The following YTHDC2 variants were observed in gnomAD, a reference collection of about 807,000 sequenced individuals.
The protein encoded by YTHDC2 is YTH N6-methyladenosine RNA binding protein C2.
YTHDC2 carries 45 observed loss-of-function variants against 174.9 expected under a neutral mutation model. The ratio of observed to expected loss-of-function variants is 0.26; its 90% CI spans 0.20 to 0.33. YTHDC2 has a LOEUF of 0.33. YTHDC2 is among the 10% of genes least tolerant of loss of function. The pLI, the probability that YTHDC2 is intolerant of heterozygous loss-of-function variation, is 1.00. For missense variants in YTHDC2, 1,650 were observed against 1,723.7 expected, an observed-to-expected ratio of 0.96 and a Z score of 0.76; for synonymous variants, 657 against 574.5, an observed-to-expected ratio of 1.14 and a Z score of -2.05.
At chr5:113,580,141 C>A (rs1193058381) in intron 24 of YTHDC2, among the ~76,000 whole-genome samples, 1 of 152,094 alleles carries the variant, frequency 6.6e-6, no homozygotes, top group East Asian at 1.9e-4. Flanking sequence ...TATAAGGATA[C>A]CTAATCCCAT....
chr5:113,549,221 A>G (rs889255756), intron 12 of YTHDC2, among the ~76,000 whole-genome samples: 6 of 152,190 alleles, frequency 3.9e-5, no homozygotes, highest in Admixed American at 3.9e-4. Context: ...AGGGATTTCC[A>G]ATTAAACATG....
At chr5:113,542,583 T>C (rs115475492) in intron 10 of YTHDC2, 80 bp downstream of exon 10, 25,016 of 1,328,900 alleles carry the variant, frequency 0.019, 313 homozygotes, top group South Asian at 0.032. Context: ...ACGTATGTAC[T>C]ACCAATAATT....
At position 113,561,174 on chromosome 5, in the gene YTHDC2, A is replaced by G; in HGVS notation, c.2311A>G (p.Met771Val). 1.2e-6 allele frequency: 2 copies of G among 1,612,728 alleles called. No individual in the cohort carries two copies. The highest frequency in any genetic ancestry group is 1.1e-5 in the South Asian group (1 of 90,712). Residue 771 changes from methionine to valine, a missense_variant, in exon 18 of 30, where the codon ATG becomes GTG. By Grantham distance (21) the Met-to-Val change is conservative. Transcript: ENST00000161863. Reference sequence around the variant, plus strand: ...ATTTCAGACTCCGGAACTTTTGAGAATGCCATTACAGGTAAAAATTTATTT... The same window carrying G: ...ATTTCAGACTCCGGAACTTTTGAGAGTGCCATTACAGGTAAAAATTTATTT... ...LEFQTPELLRMPLQELCLHTK... is the reference protein window; with the variant it reads ...LEFQTPELLRVPLQELCLHTK...
chr5:113,515,786 C>G (rs952511184), intron 2 of YTHDC2, among the ~76,000 whole-genome samples: 1 of 152,102 alleles, frequency 6.6e-6, no homozygotes, highest in Non-Finnish European at 1.5e-5. Flanking sequence ...TAAAAAATGA[C>G]AAGACAAAGG....
At position 113,567,774 on chromosome 5, in the gene YTHDC2, C is replaced by T; in HGVS notation, c.3169C>T (p.Pro1057Ser). 1 of 1,608,974 alleles carries T rather than the reference C, an allele frequency of 6.2e-7. No homozygotes were observed. Among genetic ancestry groups the T allele is most frequent in the Non-Finnish European group, 8.5e-7 (1 of 1,177,488 alleles). The change falls in exon 23 of 30, where the codon CCT (proline) becomes TCT (serine). Residue 1057 changes from proline to serine, a missense_variant. Physicochemically the swap from Pro to Ser is moderately conservative, Grantham distance 74. This residue lies in a region of YTHDC2 where 913 missense variants were observed against 940.4 expected (regional missense o/e 0.97). Transcript: ENST00000161863. Reference protein sequence around the residue: ...ANIRCCSAVTPVTILVFCGPA... With the variant: ...ANIRCCSAVTSVTILVFCGPA... ...TATTAGATGTTGTTCAGCAGTGACG[C>T]CTGTCACTATATTGGTATTCTGTGG...
intron 16 of YTHDC2, among the ~76,000 whole-genome samples, chr5:113,554,388 A>AT (rs1776463325): frequency 6.6e-6 from 1 of 152,046 alleles, no homozygotes; most frequent in East Asian, 1.9e-4. Context: ...TTGATTACAT[A>AT]TTTTTTATGT....
intron 3 of YTHDC2, 69 bp downstream of exon 3, chr5:113,525,246 T>C: frequency 7.8e-7 from 1 of 1,290,114 alleles, no homozygotes; most frequent in Non-Finnish European, 1.0e-6. Flanking sequence ...CCATTTTAGA[T>C]TTATTTTCGA....
chr5:113,581,169 T>G (rs917547024), intron 24 of YTHDC2: 4 of 337,568 alleles, frequency 1.2e-5, no homozygotes, highest in African/African-American at 8.6e-5. Flanking sequence ...TTAATCACAC[T>G]CTGCCACAAC....
At chr5:113,573,824 G>A (rs909426246) in intron 23 of YTHDC2, among the ~76,000 whole-genome samples, 1 of 152,024 alleles carries the variant, frequency 6.6e-6, no homozygotes, top group South Asian at 2.1e-4. Context: ...CCGTTAGGTC[G>A]GTTATGTTCT....
intron 18 of YTHDC2, among the ~76,000 whole-genome samples, chr5:113,561,931 A>T (rs567922268): frequency 6.8e-6 from 1 of 146,568 alleles, no homozygotes; most frequent in East Asian, 2.0e-4. Context: ...GAGTTCACTG[A>T]GATTTTCTGA....
At chr5:113,520,440 G>A (rs72794116) in intron 2 of YTHDC2, among the ~76,000 whole-genome samples, 6,168 of 151,728 alleles carry the variant, frequency 0.041, 185 homozygotes, top group Non-Finnish European at 0.062. Flanking sequence ...TAAAAAATTA[G>A]GTCACATTTA....
At chr5:113,591,314 A>C in intron 27 of YTHDC2, 70 bp downstream of exon 27, 1 of 1,504,370 alleles carries the variant, frequency 6.6e-7, no homozygotes, top group Non-Finnish European at 9.1e-7. Context: ...TTTTTAGAAA[A>C]ACAACTGGCT....
At chr5:113,589,406 A>ATATATATATATAT (rs1350140447) in intron 26 of YTHDC2, among the ~76,000 whole-genome samples, 11 of 111,146 alleles carry the variant, frequency 9.9e-5, no homozygotes, top group African/African-American at 3.2e-4. Context: ...AAAAAAAAAA[A>ATATATATATATAT]AAATATATAT....
chr5:113,561,874 C>G (rs1431577816), intron 18 of YTHDC2, among the ~76,000 whole-genome samples: 20 of 151,404 alleles, frequency 1.3e-4, no homozygotes, highest in Non-Finnish European at 2.4e-4. Context: ...AAGATAATAT[C>G]CAAATCTCAC....
chr5:113,586,927 A>G (rs1205384480), intron 26 of YTHDC2, among the ~76,000 whole-genome samples: 1 of 115,196 alleles, frequency 8.7e-6, no homozygotes, highest in African/African-American at 3.4e-5. Context: ...ATAATATATA[A>G]ATATATATTA....
intron 25 of YTHDC2, chr5:113,582,297 A>G (rs1053934684): frequency 1.7e-4 from 26 of 152,236 alleles, no homozygotes; most frequent in African/African-American, 6.3e-4. Flanking sequence ...ATTTACTGTC[A>G]TATGACAAGA....
chr5:113,531,277 C>A (rs1229962634), intron 4 of YTHDC2, among the ~76,000 whole-genome samples: 1 of 152,138 alleles, frequency 6.6e-6, no homozygotes, highest in Admixed American at 6.5e-5. Flanking sequence ...AGATATTTTG[C>A]CTGTCAGTTA....
intron 23 of YTHDC2, 109 bp downstream of exon 23, chr5:113,567,958 G>C: frequency 1.2e-6 from 1 of 845,336 alleles, no homozygotes; most frequent in Non-Finnish European, 1.7e-6. Context: ...GATTTATATA[G>C]TAGCAGCTCT....
At chr5:113,529,476 A>T (rs1774506636) in intron 4 of YTHDC2, among the ~76,000 whole-genome samples, 1 of 152,172 alleles carries the variant, frequency 6.6e-6, no homozygotes, top group Admixed American at 6.5e-5. Flanking sequence ...CCATCACTCT[A>T]AAAAAGAGTT....
Sources: allele counts gnomAD v4.1 joint callset (sites outside exome capture counted in the v4.1 genomes callset), GRCh38; gene constraint gnomAD v4.1.1; regional missense constraint gnomAD v4.1.1; transcripts MANE v1.5; gene names NCBI Gene and HGNC (gene_info 2026-07-23, HGNC 2026-07-21).